Variants in POLR1B observed in about 807,000 individuals in gnomAD.
The protein encoded by POLR1B is RNA polymerase I subunit B, also known as DNA-directed RNA polymerase I subunit RPA2.
Under a neutral mutation model 105.8 loss-of-function variants are expected in POLR1B, and 30 were observed. The observed-to-expected ratio is 0.28, with a 90% CI of 0.21 to 0.38. The LOEUF (loss-of-function observed/expected upper bound fraction) is 0.38, where lower values mean the gene tolerates loss of function less well. Ranked by LOEUF, POLR1B falls within the 10% of genes least tolerant of loss-of-function variation. The pLI, the probability that POLR1B is intolerant of heterozygous loss-of-function variation, is 1.00. For missense variants in POLR1B, 976 were observed against 1,435.8 expected, an observed-to-expected ratio of 0.68 and a Z score of 5.17; for synonymous variants, 485 against 505.1, an observed-to-expected ratio of 0.96 and a Z score of 0.53.
At chr2:112,573,841 T>C in intron 14 of POLR1B, 26 bp downstream of exon 14, 1 of 1,595,630 alleles carries the variant, frequency 6.3e-7, no homozygotes, top group Non-Finnish European at 8.6e-7. Context: ...CAAGCTGTTT[T>C]GTTTTTGTTT....
intron 5 of POLR1B, 49 bp downstream of exon 5, chr2:112,551,051 G>T (rs772117796): frequency 1.3e-6 from 2 of 1,547,016 alleles, no homozygotes; most frequent in Non-Finnish European, 1.8e-6. Context: ...TTCACTGGGG[G>T]TAGTATCCTG....
chr2:112,563,211 C>G (rs767879157), intron 9 of POLR1B, among the ~76,000 whole-genome samples: 1 of 151,746 alleles, frequency 6.6e-6, no homozygotes, highest in African/African-American at 2.4e-5. Context: ...CCCGCCACCA[C>G]GCCCGGCTAA....
chr2:112,563,772 C>G (rs1004105649), intron 9 of POLR1B, among the ~76,000 whole-genome samples: 1 of 152,016 alleles, frequency 6.6e-6, no homozygotes, highest in African/African-American at 2.4e-5. Context: ...CATGATGGCA[C>G]GCACCTGTCA....
rs1437061727 is a variant in POLR1B, at chr2:112,559,556, G to A, written c.1594G>A (p.Ala532Thr). The A allele has an allele frequency of 6.2e-7, 1 of 1,613,976 alleles. No homozygotes were observed. Among genetic ancestry groups the A allele is most frequent in the Admixed American group, 1.7e-5 (1 of 59,994 alleles). The stretch of plus-strand genomic sequence containing the variant: ...GTTTGTGTATACGGCATCTATTCCA[G>A]CTTTACTGTGCAACTTGGGTATGTA... ...TQFVYTASIP[A>T]LLCNLGVTPI... Residue 532 changes from alanine to threonine, a missense_variant, in exon 9 of 15, where the codon GCT (alanine) becomes ACT (threonine). Physicochemically the swap from Ala to Thr is moderately conservative, Grantham distance 58. Coordinates refer to ENST00000263331, the MANE Select transcript of POLR1B (RefSeq NM_019014.6).
intron 12 of POLR1B, among the ~76,000 whole-genome samples, chr2:112,569,629 G>A (rs553308444): frequency 6.0e-5 from 9 of 149,934 alleles, no homozygotes; most frequent in Non-Finnish European, 7.4e-5. Flanking sequence ...GTGTGATCTC[G>A]GCTTACTGCA....
At chr2:112,549,119 C>T (rs1370653869) in intron 3 of POLR1B, 148 bp from the exon 4 acceptor site, 1 of 834,744 alleles carries the variant, frequency 1.2e-6, no homozygotes, top group African/African-American at 1.7e-5. Context: ...AAGACAGTGT[C>T]TGTGTACTGT....
intron 1 of POLR1B, among the ~76,000 whole-genome samples, chr2:112,544,192 A>T (rs1259940042): frequency 6.6e-6 from 1 of 152,044 alleles, no homozygotes; most frequent in Non-Finnish European, 1.5e-5. Flanking sequence ...GCACTTTGGG[A>T]GGTCAAGGCG....
In POLR1B at chr2:112,547,134, A is replaced by C; in HGVS notation, c.300A>C (p.Pro100=). 6.2e-7 allele frequency: 1 copy of C among 1,614,200 alleles called. No homozygotes were observed. The highest frequency in any genetic ancestry group is 2.2e-5 in the East Asian group (1 of 44,880). ...TCTGCAAAGAGGCCAATGTTTATCCAGCAGAATGCCGGGGCCGAAGGAGTA... is the reference window on the plus strand; with the variant it reads ...TCTGCAAAGAGGCCAATGTTTATCCCGCAGAATGCCGGGGCCGAAGGAGTA... ...GTICKEANVY[P]AECRGRRSTY... The change falls in exon 2 of 15, where the codon CCA becomes CCC. Residue 100 remains proline (P), a synonymous_variant. Transcript: ENST00000263331.
At chr2:112,547,673 G>T (rs1214402390) in intron 3 of POLR1B, 106 bp downstream of exon 3, 16 of 1,280,504 alleles carry the variant, frequency 1.2e-5, no homozygotes, top group Middle Eastern at 2.0e-4. Flanking sequence ...TTTCTGGATA[G>T]GTGAAAGAGA....
chr2:112,565,792 C>T (rs1477856865), intron 10 of POLR1B, among the ~76,000 whole-genome samples: 2 of 152,008 alleles, frequency 1.3e-5, no homozygotes, highest in African/African-American at 2.4e-5. Flanking sequence ...AATCATTGGC[C>T]ACTGGGGATT....
chr2:112,560,238 A>G (rs1175670545), intron 9 of POLR1B, among the ~76,000 whole-genome samples: 2 of 152,130 alleles, frequency 1.3e-5, no homozygotes, highest in Non-Finnish European at 2.9e-5. Flanking sequence ...GTGAGATCCT[A>G]TCTCCAAAAT....
chr2:112,563,666 G>A (rs1356512953), intron 9 of POLR1B, among the ~76,000 whole-genome samples: 1 of 152,168 alleles, frequency 6.6e-6, no homozygotes, highest in Non-Finnish European at 1.5e-5. Context: ...GGGAGGCCAA[G>A]GCGAGAGGAT....
intron 9 of POLR1B, among the ~76,000 whole-genome samples, chr2:112,562,308 T>TG (rs375778611): frequency 3.9e-5 from 6 of 152,226 alleles, no homozygotes; most frequent in African/African-American, 1.4e-4. Context: ...TGCATTTAGG[T>TG]GGCTTAGAAA....
Position 112,567,910 on chromosome 2 carries a change from C to A in POLR1B, c.1747-57C>A, listed in dbSNP as rs1684382012. On this transcript the variant is annotated intron_variant, in intron 10 of 14. Coordinates refer to ENST00000263331, the MANE Select transcript of POLR1B (RefSeq NM_019014.6). ...GGTATTCCATGGGGCATAAGACTGG[C>A]AGCGACAGCCATGGCCTTGGGACAG... The A allele has an allele frequency of 3.4e-6, 5 of 1,449,458 alleles. No individual in the cohort carries two copies. The Admixed American group carries it at 6.9e-5, about 20-fold the overall frequency. The allele number at this position is 1,449,458 out of a possible 1,614,324, so 89.8% of individuals were successfully genotyped here. A position where few individuals can be genotyped will look rare whatever the true frequency, so the allele number is the denominator to read the frequency against.
In POLR1B at chr2:112,576,076, G is replaced by T; in HGVS notation, c.*347G>T. The T allele has an allele frequency of 3.3e-6, 1 of 301,170 alleles. No individual in the cohort carries two copies. The highest frequency in any genetic ancestry group is 4.8e-5 in the Admixed American group (1 of 20,710). 18.7% of individuals were successfully genotyped at this position (301,170 alleles called of 1,614,324 possible). ...TCACACACCTGTTAATCCATCTTGA[G>T]CAGGACAGTACTATACAAATAGAAT... is the stretch of plus-strand genomic sequence containing the variant. On this transcript the variant is annotated 3_prime_UTR_variant, in exon 15 of 15. Coordinates refer to ENST00000263331, the MANE Select transcript of POLR1B (RefSeq NM_019014.6).
chr2:112,571,824 C>T (rs1684609787), intron 12 of POLR1B, among the ~76,000 whole-genome samples: 1 of 152,154 alleles, frequency 6.6e-6, no homozygotes, highest in Non-Finnish European at 1.5e-5. Flanking sequence ...ACTTAAAAAC[C>T]TGGAAATTCA....
intron 1 of POLR1B, among the ~76,000 whole-genome samples, chr2:112,543,692 CATTAAGATTT>C (rs2104499281): frequency 6.6e-6 from 1 of 151,876 alleles, no homozygotes. Flanking sequence ...ATATGGGAGC[CATTAAGATTT>C]ATTGTTTAGA....
chr2:112,568,830 A>G lies in POLR1B; in HGVS notation c.2002A>G (p.Ser668Gly). The change falls in exon 12 of 15, where the codon AGT (serine) becomes GGT (glycine). Residue 668 changes from serine (S) to glycine (G), a missense_variant. This residue lies in a region of POLR1B where 184 missense variants were observed against 197.4 expected (regional missense o/e 0.93). Coordinates refer to ENST00000263331, the MANE Select transcript of POLR1B (RefSeq NM_019014.6). ...GGAACTCTTTCCACACAGCCTGCTGAGTGTGATTGCCAACTTCATCCCTTT... is the reference window on the plus strand; with the variant it reads ...GGAACTCTTTCCACACAGCCTGCTGGGTGTGATTGCCAACTTCATCCCTTT... ...HQELFPHSLL[S>G]VIANFIPFSD... 5 of 1,614,118 alleles carry G rather than the reference A, an allele frequency of 3.1e-6. No homozygotes were observed. Among genetic ancestry groups the G allele is most frequent in the Non-Finnish European group, 4.2e-6 (5 of 1,179,960 alleles).
intron 8 of POLR1B, among the ~76,000 whole-genome samples, chr2:112,558,768 G>GC (rs1683804807): frequency 6.6e-6 from 1 of 151,938 alleles, no homozygotes; most frequent in African/African-American, 2.4e-5. Context: ...ACAGGCATAA[G>GC]CCACAACACC....
Sources: gnomAD v4.1 joint callset for allele counts (sites outside exome capture counted in the v4.1 genomes callset) on GRCh38, gnomAD v4.1.1 for gene constraint, gnomAD v4.1.1 regional missense constraint, MANE v1.5 for transcripts, NCBI Gene and HGNC (gene_info 2026-07-23, HGNC 2026-07-21) for gene names.